The following PNLDC1 variants were observed in gnomAD, a reference collection of about 807,000 sequenced individuals.
PNLDC1 encodes PARN like ribonuclease domain containing exonuclease 1.
Under a neutral mutation model 82.0 loss-of-function variants are expected in PNLDC1, and 70 were observed. That is an observed-to-expected ratio of 0.85 (90% CI 0.70 to 1.04). The LOEUF (loss-of-function observed/expected upper bound fraction) is 1.04. Ranked by LOEUF, PNLDC1 falls within the 50% of genes least tolerant of loss-of-function variation. The probability of loss-of-function intolerance (pLI) is 0.00; values close to 1 mark genes in which losing one functional copy is unlikely to be tolerated. For missense variants in PNLDC1, 631 were observed against 661.1 expected (o/e 0.95, Z 0.50); for synonymous variants, 280 against 249.3 (o/e 1.12, Z -1.16).
chr6:159,815,286 C>T (rs1475223054), intron 12 of PNLDC1, among the ~76,000 whole-genome samples: 1 of 152,242 alleles, frequency 6.6e-6, no homozygotes, highest in Non-Finnish European at 1.5e-5. Flanking sequence ...CCTCTTCATA[C>T]CCCACACCGC....
At chr6:159,801,386 A>G (rs1466785064) in intron 3 of PNLDC1, among the ~76,000 whole-genome samples, 200 bp downstream of exon 3, 1 of 152,212 alleles carries the variant, frequency 6.6e-6, no homozygotes, top group Non-Finnish European at 1.5e-5. Context: ...TTCCGTGCTT[A>G]AATAAGTCAG....
rs1274647223 is a variant in PNLDC1, at chr6:159,817,132, C to A, written c.1138C>A (p.Leu380Ile). 7 of 1,612,492 alleles carry A rather than the reference C, an allele frequency of 4.3e-6. No individual in the cohort carries two copies. Among genetic ancestry groups the A allele is most frequent in the Non-Finnish European group, 5.9e-6 (7 of 1,178,738 alleles). Reference sequence around the variant, plus strand: ...AGTTCTTTTGAAAGTGGCACACTTGCTTCTACAGAAGATATACCAGTAAGT... The same window carrying A: ...AGTTCTTTTGAAAGTGGCACACTTGATTCTACAGAAGATATACCAGTAAGT... ...GSVLLKVAHL[L>I]LQKIYHIDPV... The change falls in exon 15 of 19, where the codon CTT becomes ATT. Residue 380 changes from leucine to isoleucine, a missense_variant. Transcript: ENST00000392167.
chr6:159,808,932 C>A (rs954463969), intron 8 of PNLDC1, 83 bp from the exon 9 acceptor site: 1 of 1,590,184 alleles, frequency 6.3e-7, no homozygotes, highest in Admixed American at 1.7e-5. Context: ...TCCCCCTTTC[C>A]TTTTGTTTAG....
rs759962025 is a variant in PNLDC1 at position 159,810,044 on chromosome 6, A to G, written c.802A>G (p.Met268Val). 1.7e-5 allele frequency: 27 copies of G among 1,614,112 alleles called. 2 individuals are homozygous for G. The South Asian group carries it at 3.0e-4, about 18-fold the overall frequency. Residue 268 changes from methionine (M) to valine (V), a missense_variant, in exon 10 of 19, where the codon ATG (methionine) becomes GTG (valine). Transcript: ENST00000392167. Reference sequence around the variant, plus strand: ...CAAGTAGCCCTTAGTGGGACATAATATGATGATGGACCTGCTGCACCTCCA... The same window carrying G: ...CAAGTAGCCCTTAGTGGGACATAATGTGATGATGGACCTGCTGCACCTCCA... Reference protein sequence around the residue: ...KAQKPLVGHNMMMDLLHLHEK... With the variant: ...KAQKPLVGHNVMMDLLHLHEK...
In PNLDC1 at chr6:159,800,380, G is replaced by T. The variant is rs912072171; in HGVS notation, c.73G>T (p.Val25Leu). 1.3e-6 allele frequency: 2 copies of T among 1,547,970 alleles called. No individual in the cohort carries two copies. Among genetic ancestry groups the T allele is most frequent in the African/African-American group, 1.4e-5 (1 of 73,104 alleles). The change falls in exon 1 of 19, where the codon GTG becomes TTG. Residue 25 changes from valine (V) to leucine (L), a missense_variant. By Grantham distance (32) the Val-to-Leu change is conservative. Transcript: ENST00000392167. ...GGAGCTCGTCCAGGAGGCCGACTTC[G>T]TGGGTGAAGAGCCTGGGATTCGCGG... ...LQELVQEADF[V>L]GLDIEFTGLR...
intron 3 of PNLDC1, among the ~76,000 whole-genome samples, chr6:159,802,453 CT>C (rs1393134797): frequency 2.6e-5 from 4 of 152,002 alleles, no homozygotes; most frequent in Non-Finnish European, 5.9e-5. Flanking sequence ...GTGTTTTCCT[CT>C]CTATCCTGAT....
chr6:159,801,023 C>G (rs1781231597), intron 2 of PNLDC1, 90 bp from the exon 3 acceptor site: 1 of 1,504,706 alleles, frequency 6.6e-7, no homozygotes, highest in Admixed American at 1.7e-5. Context: ...AAAAATCCTC[C>G]CCGGTTGCGA....
Position 159,819,458 on chromosome 6 carries a change from T to G in PNLDC1, c.1532+106T>G. ...CGAGCACAGCTCACTTGCTGGTGTG[T>G]GTTGCCAAGGGGGTTGTGTTGACGA... On this transcript the variant is annotated intron_variant, in intron 18 of 18. Transcript: ENST00000392167. The surrounding 1 kb of genome is among the most constrained non-coding windows in gnomAD (Gnocchi z 4.6). 4 of 992,798 alleles carry G rather than the reference T, an allele frequency of 4.0e-6. No homozygotes were observed. The highest frequency in any genetic ancestry group is 6.0e-6 in the Non-Finnish European group (4 of 672,062). The allele number at this position is 992,798 out of a possible 1,614,324, so 61.5% of individuals were successfully genotyped here. A position where few individuals can be genotyped will look rare whatever the true frequency, so the allele number is the denominator to read the frequency against.
At chr6:159,817,348 A>T (rs1329343873) in intron 15 of PNLDC1, among the ~76,000 whole-genome samples, 197 bp downstream of exon 15, 3 of 152,116 alleles carry the variant, frequency 2.0e-5, no homozygotes, top group African/African-American at 7.2e-5. Flanking sequence ...AGCCCTTCCT[A>T]CCACCCCTGT....
At chr6:159,807,105 T>A (rs1781476667) in intron 7 of PNLDC1, among the ~76,000 whole-genome samples, 1 of 152,084 alleles carries the variant, frequency 6.6e-6, no homozygotes, top group South Asian at 2.1e-4. Flanking sequence ...GTTGGCCAGG[T>A]TAGTCTCAAA....
intron 2 of PNLDC1, 28 bp downstream of exon 2, chr6:159,800,857 A>T (rs1019235766): frequency 2.5e-6 from 4 of 1,613,942 alleles, no homozygotes; most frequent in Admixed American, 3.3e-5. Flanking sequence ...TCCCCTCTGT[A>T]TAAGAGCCTG....
chr6:159,818,395 G>T (rs1441664708), intron 15 of PNLDC1, among the ~76,000 whole-genome samples, 160 bp from the exon 16 acceptor site: 1 of 152,176 alleles, frequency 6.6e-6, no homozygotes, highest in Non-Finnish European at 1.5e-5. Context: ...TGCCAGCTGG[G>T]GAAGCACCCA....
rs1262283103 is a variant in PNLDC1 at position 159,819,806 on chromosome 6, G to A, written c.1532+454G>A. 5.3e-5 allele frequency among the ~76,000 whole-genome samples: 8 copies of A among 152,110 alleles called. No homozygotes were observed. In the East Asian group the frequency reaches 5.8e-4, roughly 11 times the overall value. ...GGAGCCTTCCAGTCAGGAGGTGCCC[G>A]GAGTGTCACGGGGAGAGGCCATTGT... On this transcript the variant is annotated intron_variant, in intron 18 of 18. Transcript: ENST00000392167. The surrounding 1 kb of genome is among the most constrained non-coding windows in gnomAD (Gnocchi z 4.6).
intron 11 of PNLDC1, 49 bp from the exon 12 acceptor site, chr6:159,813,552 T>C (rs1421586000): frequency 6.5e-7 from 1 of 1,539,932 alleles, no homozygotes; most frequent in African/African-American, 1.4e-5. Flanking sequence ...AAACAGAGAA[T>C]AAACAAAAGC....
chr6:159,800,560 C>G, intron 1 of PNLDC1, 177 bp downstream of exon 1: 1 of 1,391,102 alleles, frequency 7.2e-7, no homozygotes, highest in Non-Finnish European at 9.9e-7. Flanking sequence ...CAAGTACACT[C>G]CGAGCCCCAC....
chr6:159,808,244 T>C (rs1781518364), intron 7 of PNLDC1, among the ~76,000 whole-genome samples: 1 of 152,226 alleles, frequency 6.6e-6, no homozygotes, highest in Non-Finnish European at 1.5e-5. Context: ...GTTTCAATGA[T>C]CACAACATAT....
Position 159,801,116 on chromosome 6 carries a change from T to G in PNLDC1, c.138T>G (p.Leu46=). The change falls in exon 3 of 19, where the codon CTT becomes CTG. Residue 46 remains leucine (L), a synonymous_variant. Coordinates refer to ENST00000392167, the MANE Select transcript of PNLDC1 (RefSeq NM_001271862.2). ...SNLSGPQQIS[L]FDLPSEWYLK... is the part of the protein sequence containing the mutation. ...TGAGATGCCTGTTTGTTCACAGTCT[T>G]TTTGATTTGCCATCGGAGTGGTATC... 1.2e-6 allele frequency: 2 copies of G among 1,614,190 alleles called. No homozygotes were observed. Among genetic ancestry groups the G allele is most frequent in the Non-Finnish European group, 1.7e-6 (2 of 1,180,018 alleles).
At chr6:159,805,202 C>T (rs1205912902) in intron 6 of PNLDC1, among the ~76,000 whole-genome samples, 1 of 152,170 alleles carries the variant, frequency 6.6e-6, no homozygotes, top group Non-Finnish European at 1.5e-5. Context: ...ACCTCGTATT[C>T]CTGTAGAGCT....
intron 6 of PNLDC1, 69 bp downstream of exon 6, chr6:159,804,706 C>A: frequency 2.4e-6 from 3 of 1,226,512 alleles, no homozygotes; most frequent in Non-Finnish European, 3.6e-6. Context: ...CGTGGGCGGG[C>A]GTGCCGTTTC....
Sources: gnomAD v4.1 joint callset for allele counts (sites outside exome capture counted in the v4.1 genomes callset) on GRCh38, gnomAD v4.1.1 for gene constraint, Gnocchi (gnomAD v3.1) non-coding constraint, MANE v1.5 for transcripts, NCBI Gene and HGNC (gene_info 2026-07-23, HGNC 2026-07-21) for gene names.